PPM1D: variants seen among roughly 807,000 people sequenced by gnomAD.
PPM1D encodes protein phosphatase 1D.
Under a neutral mutation model 58.3 loss-of-function variants are expected in PPM1D, and 52 were observed. That is an observed-to-expected ratio of 0.89 (90% CI 0.71 to 1.12). PPM1D has a LOEUF of 1.12. Ranked by LOEUF, PPM1D falls within the 50% of genes most tolerant of loss-of-function variation. PPM1D has a pLI of 0.00. For missense variants in PPM1D, 564 were observed against 777.2 expected, an observed-to-expected ratio of 0.73 and a Z score of 3.26; for synonymous variants, 278 against 285.1, an observed-to-expected ratio of 0.98 and a Z score of 0.25.
At chr17:60,656,140 G>A (rs2031434591) in intron 4 of PPM1D, among the ~76,000 whole-genome samples, 1 of 152,004 alleles carries the variant, frequency 6.6e-6, no homozygotes, top group Admixed American at 6.6e-5. Context: ...TGGCTAAGGA[G>A]ACTGGGGATA....
intron 2 of PPM1D, among the ~76,000 whole-genome samples, chr17:60,630,076 C>T (rs985722911): frequency 5.3e-5 from 8 of 151,990 alleles, no homozygotes; most frequent in African/African-American, 1.9e-4. Context: ...CTGGCTGCGG[C>T]ACTTGTAATC....
intron 4 of PPM1D, among the ~76,000 whole-genome samples, chr17:60,648,446 A>C (rs550347746): frequency 4.5e-4 from 66 of 147,820 alleles, no homozygotes; most frequent in African/African-American, 1.3e-3. Flanking sequence ...GTGCAGTGGC[A>C]CAATCTCGGC....
chr17:60,654,713 A>T (rs905258989), intron 4 of PPM1D, among the ~76,000 whole-genome samples: 1 of 151,516 alleles, frequency 6.6e-6, no homozygotes, highest in African/African-American at 2.4e-5. Flanking sequence ...AATACAAAAA[A>T]AAAATTTAGC....
At chr17:60,620,068 G>A (rs1384638919) in intron 1 of PPM1D, among the ~76,000 whole-genome samples, 2 of 150,914 alleles carry the variant, frequency 1.3e-5, no homozygotes, top group Non-Finnish European at 3.0e-5. Flanking sequence ...GCATGATCTC[G>A]GCCCACTGTA....
At chr17:60,637,019 C>T (rs1369467931) in intron 3 of PPM1D, among the ~76,000 whole-genome samples, 3 of 145,736 alleles carry the variant, frequency 2.1e-5, no homozygotes, top group South Asian at 4.3e-4. Flanking sequence ...CCCAGGTTGG[C>T]GTGCAGTGAT....
At chr17:60,637,366 A>C (rs985855566) in intron 3 of PPM1D, among the ~76,000 whole-genome samples, 1 of 152,068 alleles carries the variant, frequency 6.6e-6, no homozygotes, top group African/African-American at 2.4e-5. Context: ...TCGGCCTCTC[A>C]GAGTACTGGG....
chr17:60,605,314 T>C (rs1368338576), intron 1 of PPM1D, among the ~76,000 whole-genome samples: 1 of 152,118 alleles, frequency 6.6e-6, no homozygotes, highest in Non-Finnish European at 1.5e-5. Context: ...ATTATGAAAA[T>C]AGTTTTGGCC....
At chr17:60,636,958 C>T (rs1944353380) in intron 3 of PPM1D, among the ~76,000 whole-genome samples, 1 of 146,376 alleles carries the variant, frequency 6.8e-6, no homozygotes, top group African/African-American at 2.5e-5. Flanking sequence ...AGCGCTCAGC[C>T]TACTCATGAT....
rs59188869 is a variant in PPM1D, at chr17:60,646,751, C to A, written c.827-1141C>A. On this transcript the variant is annotated intron_variant, in intron 3 of 5. Coordinates refer to ENST00000305921, the MANE Select transcript of PPM1D (RefSeq NM_003620.4). ...CTCTTGAACATTTTGATGTTTGTAT[C>A]TAATAGGTCTAAAGGCAGAAGTTTA... is the stretch of plus-strand genomic sequence containing the variant. Among the ~76,000 whole-genome samples, 781 of 152,154 alleles carry A rather than the reference C, an allele frequency of 5.1e-3. 4 individuals are homozygous for A. Among genetic ancestry groups the A allele is most frequent in the African/African-American group, 0.018 (756 of 41,510 alleles).
At chr17:60,648,135 T>G (rs2031281158) in intron 4 of PPM1D, 53 bp downstream of exon 4, 4 of 1,542,228 alleles carry the variant, frequency 2.6e-6, no homozygotes, top group Non-Finnish European at 3.5e-6. Context: ...GTTTTGGTAC[T>G]TCTGTCAGAA....
chr17:60,618,877 CACATAGTT>C (rs2030638713), intron 1 of PPM1D, among the ~76,000 whole-genome samples: 1 of 152,164 alleles, frequency 6.6e-6, no homozygotes, highest in South Asian at 2.1e-4. Context: ...TCCATCACCT[CACATAGTT>C]ACCTTTTTTT....
rs1332648935 is a variant in PPM1D, at chr17:60,642,033, A to G, written c.827-5859A>G. On this transcript the variant is annotated intron_variant, in intron 3 of 5. Coordinates refer to ENST00000305921, the MANE Select transcript of PPM1D (RefSeq NM_003620.4). ...TCAGGACCTACAGAAATGATGTTCT[A>G]TGATCGTACTTTGGTGTACAAACAC... Among the ~76,000 whole-genome samples the G allele has an allele frequency of 5.3e-5, 8 of 152,260 alleles. No homozygotes were observed. In the East Asian group the frequency reaches 7.7e-4, roughly 15 times the overall value.
chr17:60,631,962 A>G (rs1163772185), intron 2 of PPM1D, among the ~76,000 whole-genome samples: 1 of 151,708 alleles, frequency 6.6e-6, no homozygotes, highest in Non-Finnish European at 1.5e-5. Context: ...GTGGATCACG[A>G]GGTCAGGAGA....
At position 60,613,966 on chromosome 17, in the gene PPM1D, C is replaced by T. The variant is rs1023741790; in HGVS notation, c.473-9555C>T. On this transcript the variant is annotated intron_variant, in intron 1 of 5. Coordinates refer to ENST00000305921, the MANE Select transcript of PPM1D (RefSeq NM_003620.4). ...GCACCACCCCCTGCTCCACGGTGCC[C>T]GGTCCCGTCGACTGCCCAAGGGCTG... Among the ~76,000 whole-genome samples, 6 of 35,528 alleles carry T rather than the reference C, an allele frequency of 1.7e-4. No individual in the cohort carries two copies. The Admixed American group carries it at 1.8e-3, about 10-fold the overall frequency. The allele number at this position is 35,528 out of a possible 152,430, so 23.3% of individuals were successfully genotyped here. A position where few individuals can be genotyped will look rare whatever the true frequency, so the allele number is the denominator to read the frequency against.
rs79531539 is a variant in PPM1D, at chr17:60,614,197, C to T, written c.473-9324C>T. 5.3e-3 allele frequency among the ~76,000 whole-genome samples: 810 copies of T among 152,220 alleles called. 4 individuals are homozygous for T. The highest frequency in any genetic ancestry group is 0.019 in the African/African-American group (782 of 41,546). ...ATCTAGCTCGAGGTTTGTAAACACG[C>T]CAGTCAGCACCCTGTGTCTAGCTCA... On this transcript the variant is annotated intron_variant, in intron 1 of 5. Coordinates refer to ENST00000305921, the MANE Select transcript of PPM1D (RefSeq NM_003620.4).
chr17:60,645,520 ATG>A (rs1567974611), intron 3 of PPM1D, among the ~76,000 whole-genome samples: 17 of 133,148 alleles, frequency 1.3e-4, no homozygotes, highest in African/African-American at 4.6e-4. Context: ...GTGTATATAT[ATG>A]TATATATATA....
chr17:60,632,986 TAAAC>T (rs965256373), intron 2 of PPM1D, among the ~76,000 whole-genome samples: 11 of 149,068 alleles, frequency 7.4e-5, no homozygotes, highest in South Asian at 2.1e-4. Context: ...TAAATAAAAA[TAAAC>T]AAAAAAACTG....
chr17:60,631,341 C>G (rs2030916168), intron 2 of PPM1D, among the ~76,000 whole-genome samples: 1 of 144,676 alleles, frequency 6.9e-6, no homozygotes, highest in Non-Finnish European at 1.5e-5. Flanking sequence ...AAAACTAGTT[C>G]TCAAAAGGGA....
intron 4 of PPM1D, among the ~76,000 whole-genome samples, chr17:60,648,577 G>T (rs1443826983): frequency 1.3e-5 from 2 of 151,796 alleles, no homozygotes; most frequent in East Asian, 3.9e-4. Context: ...TAGAGGTGGG[G>T]TTTCACCTTG....
Sources: gnomAD v4.1 joint callset for allele counts (sites outside exome capture counted in the v4.1 genomes callset) on GRCh38, gnomAD v4.1.1 for gene constraint, MANE v1.5 for transcripts, NCBI Gene and HGNC (gene_info 2026-07-23, HGNC 2026-07-21) for gene names.